AUTS2: variants seen among roughly 807,000 people sequenced by gnomAD.
AUTS2 encodes the protein autism susceptibility gene 2 protein.
A neutral mutation model predicts 112.4 loss-of-function variants in AUTS2; 17 were observed. That is an observed-to-expected ratio of 0.15 (90% CI 0.10 to 0.23). The LOEUF (loss-of-function observed/expected upper bound fraction) is 0.23. Among genes scored for constraint, AUTS2 ranks in the 10% least tolerant of loss-of-function variants. The pLI is 1.00. For missense variants in AUTS2, 1,510 were observed against 1,701.6 expected (o/e 0.89, Z 1.98); for synonymous variants, 751 against 702.7 (o/e 1.07, Z -1.09).
At chr7:69,878,014 C>T (rs950570712) in intron 1 of AUTS2, among the ~76,000 whole-genome samples, 8 of 152,064 alleles carry the variant, frequency 5.3e-5, no homozygotes, top group African/African-American at 1.2e-4. Context: ...GTGGCCATGC[C>T]ATAGATGCCT....
intron 13 of AUTS2, among the ~76,000 whole-genome samples, chr7:70,776,148 G>A (rs149712394): frequency 1.3e-5 from 2 of 152,338 alleles, no homozygotes; most frequent in East Asian, 3.9e-4. Flanking sequence ...ACCCAGACTT[G>A]CATTTAAGTA....
intron 2 of AUTS2, among the ~76,000 whole-genome samples, chr7:69,960,910 G>A (rs1584496016): frequency 6.6e-6 from 1 of 151,972 alleles, no homozygotes; most frequent in East Asian, 1.9e-4. Context: ...GCACTTTTGG[G>A]ATTTGTTGTT....
At chr7:69,601,170 A>G (rs1486770966) in intron 1 of AUTS2, among the ~76,000 whole-genome samples, 1 of 151,892 alleles carries the variant, frequency 6.6e-6, no homozygotes, top group Non-Finnish European at 1.5e-5. Flanking sequence ...GAAGGCTTTG[A>G]GATTCTGCAG....
At chr7:70,106,024 A>T (rs1255121064) in intron 2 of AUTS2, among the ~76,000 whole-genome samples, 1 of 152,222 alleles carries the variant, frequency 6.6e-6, no homozygotes, top group African/African-American at 2.4e-5. Context: ...CCAAAAATGA[A>T]TGATAGTTGG....
chr7:70,299,978 A>T (rs1224736178), intron 4 of AUTS2, among the ~76,000 whole-genome samples: 1 of 152,198 alleles, frequency 6.6e-6, no homozygotes, highest in African/African-American at 2.4e-5. Flanking sequence ...AAAGAATTTT[A>T]TGATAGCCTT....
rs147430117 is a variant in AUTS2, at chr7:70,064,229, C to T, written c.523-53903C>T. ...GATTTAGTGCTAACTGGGGAGATTA[C>T]AAATGCCTTGCCTGGCACTGTCAGC... On this transcript the variant is annotated intron_variant, in intron 2 of 18. Transcript: ENST00000342771. Among the ~76,000 whole-genome samples the T allele has an allele frequency of 2.0e-5, 3 of 152,270 alleles. No individual in the cohort carries two copies. In the East Asian group the frequency reaches 5.8e-4, roughly 29 times the overall value.
chr7:69,694,326 T>C (rs939079586), intron 1 of AUTS2, among the ~76,000 whole-genome samples: 1 of 152,230 alleles, frequency 6.6e-6, no homozygotes, highest in African/African-American at 2.4e-5. Flanking sequence ...TTTTCTACTT[T>C]TTAAAAATTA....
At chr7:70,489,106 A>G (rs951384758) in intron 5 of AUTS2, among the ~76,000 whole-genome samples, 3 of 152,254 alleles carry the variant, frequency 2.0e-5, no homozygotes, top group Non-Finnish European at 4.4e-5. Context: ...AACAAAAAAC[A>G]CAGATACATT....
At chr7:70,275,834 A>G (rs749133442) in intron 4 of AUTS2, among the ~76,000 whole-genome samples, 1 of 152,140 alleles carries the variant, frequency 6.6e-6, no homozygotes, top group Non-Finnish European at 1.5e-5. Flanking sequence ...CCCTTCTGCC[A>G]TGATCGTAAG....
intron 2 of AUTS2, among the ~76,000 whole-genome samples, chr7:69,993,496 G>A (rs1341069321): frequency 6.6e-6 from 1 of 152,152 alleles, no homozygotes; most frequent in South Asian, 2.1e-4. Context: ...CATAATTCCA[G>A]CACTTTGGGA....
intron 4 of AUTS2, among the ~76,000 whole-genome samples, chr7:70,339,678 A>G (rs184802146): frequency 4.9e-4 from 75 of 152,334 alleles, no homozygotes; most frequent in Middle Eastern, 6.8e-3. Context: ...TGGGTCAGCT[A>G]GTAACTTACT....
At chr7:69,879,143 TGTG>T (rs1793929459) in intron 1 of AUTS2, among the ~76,000 whole-genome samples, 1 of 151,582 alleles carries the variant, frequency 6.6e-6, no homozygotes, top group Non-Finnish European at 1.5e-5. Context: ...TGTGTGTGTG[TGTG>T]TGTGTGTGTG....
At chr7:69,878,423 G>A (rs955938533) in intron 1 of AUTS2, among the ~76,000 whole-genome samples, 2 of 152,178 alleles carry the variant, frequency 1.3e-5, no homozygotes, top group Admixed American at 6.5e-5. Flanking sequence ...ACAAGAACCA[G>A]TGCTCACATC....
rs1364472920 is a variant in AUTS2 at position 70,763,137 on chromosome 7, T to G, written c.1010T>G (p.Leu337Arg). The G allele has an allele frequency of 1.2e-6, 2 of 1,613,914 alleles. No homozygotes were observed. The highest frequency in any genetic ancestry group is 1.7e-6 in the Non-Finnish European group (2 of 1,179,942). The change falls in exon 7 of 19, where the codon CTG becomes CGG. Residue 337 changes from leucine to arginine, a missense_variant. Transcript: ENST00000342771. ...RTEAPPQPPP[L>R]STQPPQGPPE... ...GAGGCCCCACCTCAACCCCCACCTC[T>G]GAGTACACAGCCACCACAGGGCCCT...
intron 4 of AUTS2, among the ~76,000 whole-genome samples, chr7:70,176,854 G>A (rs1426595295): frequency 6.6e-6 from 1 of 152,128 alleles, no homozygotes; most frequent in Admixed American, 6.5e-5. Context: ...AGCAGATAAC[G>A]GAATTTGGAC....
chr7:69,697,865 T>C (rs1797622291), intron 1 of AUTS2, among the ~76,000 whole-genome samples: 2 of 152,352 alleles, frequency 1.3e-5, no homozygotes, highest in South Asian at 4.1e-4. Context: ...ATGGGAACTT[T>C]CTGTAGTGGA....
intron 4 of AUTS2, among the ~76,000 whole-genome samples, chr7:70,379,928 C>T (rs1454195023): frequency 6.6e-6 from 1 of 152,124 alleles, no homozygotes; most frequent in Non-Finnish European, 1.5e-5. Flanking sequence ...GTTGGAATGA[C>T]TTAGAAGTAG....
intron 5 of AUTS2, among the ~76,000 whole-genome samples, chr7:70,453,365 C>A (rs957322823): frequency 6.6e-6 from 1 of 152,198 alleles, no homozygotes; most frequent in Admixed American, 6.5e-5. Flanking sequence ...AAATCTCTGT[C>A]AGTCCTTCCT....
chr7:69,661,520 G>A (rs1041431009), intron 1 of AUTS2, among the ~76,000 whole-genome samples: 1 of 152,112 alleles, frequency 6.6e-6, no homozygotes, highest in African/African-American at 2.4e-5. Context: ...TTCTTATGTC[G>A]TATGACCTGC....
Sources: gnomAD v4.1 joint callset for allele counts (sites outside exome capture counted in the v4.1 genomes callset) on GRCh38, gnomAD v4.1.1 for gene constraint, MANE v1.5 for transcripts, NCBI Gene and HGNC (gene_info 2026-07-23, HGNC 2026-07-21) for gene names.